Variants in RALYL observed in about 807,000 individuals in gnomAD.
RALYL encodes RALY RNA binding protein like.
In RALYL, 29 loss-of-function variants were observed where a neutral mutation model predicts 35.1. That is an observed-to-expected ratio of 0.83 (90% CI 0.61 to 1.13). The LOEUF is 1.13. Ranked by LOEUF, RALYL falls within the 50% of genes most tolerant of loss-of-function variation. The pLI, the probability that RALYL is intolerant of heterozygous loss-of-function variation, is 0.00. For missense variants in RALYL, 359 were observed against 360.4 expected (o/e 1.00, Z 0.03); for synonymous variants, 120 against 127.6 (o/e 0.94, Z 0.40).
intron 2 of RALYL, among the ~76,000 whole-genome samples, chr8:84,662,415 A>G (rs1045609690): frequency 6.6e-6 from 1 of 152,196 alleles, no homozygotes; most frequent in Non-Finnish European, 1.5e-5. Flanking sequence ...GTAATTTAAT[A>G]ATGATTTTAT....
intron 1 of RALYL, among the ~76,000 whole-genome samples, chr8:84,467,200 G>T (rs1436707223): frequency 6.6e-6 from 1 of 152,034 alleles, no homozygotes; most frequent in Non-Finnish European, 1.5e-5. Flanking sequence ...GAGTGTGTTT[G>T]CTCTTGCTTT....
intron 2 of RALYL, among the ~76,000 whole-genome samples, chr8:84,734,212 G>T (rs1171536690): frequency 1.3e-5 from 2 of 152,036 alleles, no homozygotes; most frequent in Non-Finnish European, 2.9e-5. Context: ...TTCCTGTTGT[G>T]CATATCACCC....
At chr8:84,778,506 G>A (rs1401258971) in intron 3 of RALYL, among the ~76,000 whole-genome samples, 2 of 152,218 alleles carry the variant, frequency 1.3e-5, no homozygotes, top group Non-Finnish European at 2.9e-5. Flanking sequence ...ATACACTTCT[G>A]TAAGAGAATA....
chr8:84,615,696 T>A (rs1819410975), intron 2 of RALYL, among the ~76,000 whole-genome samples: 1 of 134,492 alleles, frequency 7.4e-6, no homozygotes, highest in African/African-American at 2.9e-5. Context: ...CTGCACCCAC[T>A]AACTCGTCAT....
At chr8:84,384,711 T>C (rs1404730317) in intron 1 of RALYL, among the ~76,000 whole-genome samples, 1 of 151,826 alleles carries the variant, frequency 6.6e-6, no homozygotes, top group Non-Finnish European at 1.5e-5. Flanking sequence ...ATTCAAATTC[T>C]CTGATAAGCA....
At chr8:84,269,135 G>A (rs982394530) in intron 1 of RALYL, among the ~76,000 whole-genome samples, 3 of 151,984 alleles carry the variant, frequency 2.0e-5, no homozygotes, top group Non-Finnish European at 4.4e-5. Context: ...AATATTTTAG[G>A]TCTTTCAAGA....
intron 4 of RALYL, among the ~76,000 whole-genome samples, chr8:84,834,160 ATATGGT>A (rs1831481010): frequency 6.6e-6 from 1 of 152,234 alleles, no homozygotes; most frequent in African/African-American, 2.4e-5. Flanking sequence ...TACGTGTCAC[ATATGGT>A]TATTCTCAAC....
chr8:84,871,012 G>C (rs185515699), intron 6 of RALYL, among the ~76,000 whole-genome samples: 132 of 152,294 alleles, frequency 8.7e-4, no homozygotes, highest in African/African-American at 2.8e-3. Context: ...CCCATTCTAA[G>C]AGGGAACTGA....
chr8:84,584,190 G>A (rs1030723386), intron 2 of RALYL, among the ~76,000 whole-genome samples: 5 of 151,978 alleles, frequency 3.3e-5, no homozygotes, highest in Admixed American at 3.3e-4. Flanking sequence ...AAATACTAGT[G>A]GACATATTTT....
At chr8:84,621,844 G>C (rs1906589) in intron 2 of RALYL, among the ~76,000 whole-genome samples, 19,938 of 152,154 alleles carry the variant, frequency 0.13, 1,832 homozygotes, top group Non-Finnish European at 0.19. Flanking sequence ...GTCAACTCTA[G>C]CCTATGTGGA....
chr8:84,735,395 T>G (rs1194508179), intron 2 of RALYL, among the ~76,000 whole-genome samples: 1 of 152,090 alleles, frequency 6.6e-6, no homozygotes, highest in Non-Finnish European at 1.5e-5. Flanking sequence ...TTTTTAAAAA[T>G]TTTTCTCATA....
At chr8:84,391,469 C>T (rs955268965) in intron 1 of RALYL, among the ~76,000 whole-genome samples, 1 of 152,008 alleles carries the variant, frequency 6.6e-6, no homozygotes, top group Admixed American at 6.6e-5. Flanking sequence ...TATTAAAAGT[C>T]AAAATCTGAT....
At chr8:84,748,464 A>C (rs1408123433) in intron 2 of RALYL, among the ~76,000 whole-genome samples, 1 of 152,040 alleles carries the variant, frequency 6.6e-6, no homozygotes, top group African/African-American at 2.4e-5. Flanking sequence ...CAAGGACAAG[A>C]TGATCTATTG....
chr8:84,426,086 G>A (rs920754608), intron 1 of RALYL, among the ~76,000 whole-genome samples: 3 of 152,034 alleles, frequency 2.0e-5, no homozygotes, highest in Non-Finnish European at 4.4e-5. Flanking sequence ...TTAATGAAAT[G>A]TATTATTTAA....
intron 1 of RALYL, among the ~76,000 whole-genome samples, chr8:84,395,995 A>AT (rs1304671707): frequency 2.8e-5 from 4 of 143,806 alleles, no homozygotes; most frequent in Admixed American, 2.7e-4. Context: ...AAGTGAATGT[A>AT]TTTTTTTAAA....
At chr8:84,222,171 A>G (rs1822393241) in intron 1 of RALYL, among the ~76,000 whole-genome samples, 2 of 152,112 alleles carry the variant, frequency 1.3e-5, no homozygotes, top group African/African-American at 4.8e-5. Flanking sequence ...GAGGTAAATT[A>G]CTATTATGCT....
intron 2 of RALYL, among the ~76,000 whole-genome samples, chr8:84,661,870 A>G (rs1830994513): frequency 1.3e-5 from 2 of 151,066 alleles, no homozygotes; most frequent in South Asian, 2.1e-4. Context: ...AGAAGGAATT[A>G]TGCAAAACCC....
chr8:84,467,127 T>C (rs1280065293), intron 1 of RALYL, among the ~76,000 whole-genome samples: 1 of 152,178 alleles, frequency 6.6e-6, no homozygotes, highest in Admixed American at 6.5e-5. Flanking sequence ...AAGGGTTTTT[T>C]GTGTCACTAT....
At chr8:84,789,939 G>A (rs1249607922) in intron 3 of RALYL, among the ~76,000 whole-genome samples, 1 of 152,120 alleles carries the variant, frequency 6.6e-6, no homozygotes, top group Non-Finnish European at 1.5e-5. Context: ...TATTATGAAA[G>A]AAATAAGTAA....
Sources: allele counts gnomAD v4.1 joint callset (sites outside exome capture counted in the v4.1 genomes callset), GRCh38; gene constraint gnomAD v4.1.1; transcripts MANE v1.5; gene names NCBI Gene and HGNC (gene_info 2026-07-23, HGNC 2026-07-21).